Variants in PASK observed in about 807,000 individuals in gnomAD.
The protein encoded by PASK is PAS domain containing serine/threonine kinase.
In PASK, 110 loss-of-function variants were observed where a neutral mutation model predicts 121.0. The ratio of observed to expected loss-of-function variants is 0.91; its 90% CI spans 0.78 to 1.06. The LOEUF is 1.06. Ranked by LOEUF, PASK falls within the 50% of genes least tolerant of loss-of-function variation. PASK has a pLI of 0.00. For missense variants in PASK, 1,643 were observed against 1,702.3 expected (o/e 0.97, Z 0.61); for synonymous variants, 686 against 717.8 (o/e 0.96, Z 0.71).
chr2:241,106,519 G>C lies in PASK; in HGVS notation c.*47C>G, dbSNP rs374993877. Reference sequence around the variant, plus strand: ...TCCAAACAGATGGAGCCTGAAAACTGTGTGATTTTCCAAACCAAGTGGAGA... The same window carrying C: ...TCCAAACAGATGGAGCCTGAAAACTCTGTGATTTTCCAAACCAAGTGGAGA... On this transcript the variant is annotated 3_prime_UTR_variant, in exon 18 of 18. Transcript: ENST00000234040. 2.5e-6 allele frequency: 4 copies of C among 1,593,362 alleles called. No individual in the cohort carries two copies. Among genetic ancestry groups the C allele is most frequent in the African/African-American group, 2.7e-5 (2 of 74,508 alleles).
At position 241,106,506 on chromosome 2, in the gene PASK, G is replaced by A. The variant is rs2064884727; in HGVS notation, c.*60C>T. 3 of 1,556,198 alleles carry A rather than the reference G, an allele frequency of 1.9e-6. No homozygotes were observed. The highest frequency in any genetic ancestry group is 1.7e-5 in the Admixed American group (1 of 59,928). The stretch of plus-strand genomic sequence containing the variant: ...AGAATGTATTTTCTCCAAACAGATG[G>A]AGCCTGAAAACTGTGTGATTTTCCA... On this transcript the variant is annotated 3_prime_UTR_variant, in exon 18 of 18. Coordinates refer to ENST00000234040, the MANE Select transcript of PASK (RefSeq NM_015148.4).
At chr2:241,138,350 G>A (rs941458421) in intron 5 of PASK, among the ~76,000 whole-genome samples, 1 of 152,228 alleles carries the variant, frequency 6.6e-6, no homozygotes, top group Non-Finnish European at 1.5e-5. Flanking sequence ...GTTCACATAT[G>A]AGGGCTGTCT....
chr2:241,139,735 C>T (rs555347181), intron 4 of PASK, 150 bp downstream of exon 4: 26 of 776,816 alleles, frequency 3.3e-5, no homozygotes, highest in Non-Finnish European at 5.2e-5. Context: ...GGGGAAACGG[C>T]GCCTGGGATG....
At chr2:241,123,501 G>GGA (rs1246350864) in intron 11 of PASK, among the ~76,000 whole-genome samples, 2 of 151,856 alleles carry the variant, frequency 1.3e-5, no homozygotes, top group Non-Finnish European at 2.9e-5. Context: ...TAGTCACACT[G>GGA]GATATTAAAA....
intron 9 of PASK, among the ~76,000 whole-genome samples, chr2:241,128,385 A>G (rs2065972992): frequency 1.3e-5 from 2 of 152,202 alleles, no homozygotes; most frequent in South Asian, 4.1e-4. Context: ...CATTCAGCAC[A>G]TGGTGACCCA....
chr2:241,109,624 C>T (rs1411479239), intron 15 of PASK: 2 of 152,812 alleles, frequency 1.3e-5, no homozygotes, highest in East Asian at 3.8e-4. Context: ...GTCGGGCCCC[C>T]AGGCTGAGTC....
chr2:241,113,856 G>A (rs1344160699), intron 14 of PASK: 6 of 985,270 alleles, frequency 6.1e-6, no homozygotes, highest in Non-Finnish European at 7.2e-6. Flanking sequence ...GAGCTGACAG[G>A]CAATGCCCTG....
At chr2:241,123,151 C>T (rs1021099424) in intron 11 of PASK, among the ~76,000 whole-genome samples, 10 of 151,604 alleles carry the variant, frequency 6.6e-5, no homozygotes, top group Non-Finnish European at 1.5e-4. Flanking sequence ...TATACATGGG[C>T]CTAGGCAGAT....
chr2:241,112,148 C>T lies in PASK; in HGVS notation c.3533+92G>A. The T allele has an allele frequency of 2.0e-6, 2 of 980,922 alleles. No individual in the cohort carries two copies. Among genetic ancestry groups the T allele is most frequent in the South Asian group, 2.6e-5 (2 of 76,660 alleles). The allele number at this position is 980,922 out of a possible 1,614,324, so 60.8% of individuals were successfully genotyped here. ...ACTCAACACTCATCACAAAGAGGCA[C>T]AAAGGAAGCCATTTTCCCACCCAAA... On this transcript the variant is annotated intron_variant, in intron 15 of 17. Coordinates refer to ENST00000234040, the MANE Select transcript of PASK (RefSeq NM_015148.4). The surrounding 1 kb of genome is among the most constrained non-coding windows in gnomAD (Gnocchi z 5.2).
intron 12 of PASK, among the ~76,000 whole-genome samples, chr2:241,119,518 G>A (rs1385767120): frequency 6.8e-6 from 1 of 147,392 alleles, no homozygotes; most frequent in Non-Finnish European, 1.5e-5. Flanking sequence ...CGCCCAGGCT[G>A]GAGTGCAGTG....
At chr2:241,146,122 GC>G (rs909042560) in intron 1 of PASK, among the ~76,000 whole-genome samples, 1 of 152,044 alleles carries the variant, frequency 6.6e-6, no homozygotes, top group African/African-American at 2.4e-5. Flanking sequence ...AAGACACATG[GC>G]CCAATAAAAA....
At chr2:241,135,817 G>A (rs913553280) in intron 8 of PASK, 54 bp downstream of exon 8, 26 of 1,519,782 alleles carry the variant, frequency 1.7e-5, no homozygotes, top group Non-Finnish European at 2.3e-5. Context: ...GAGGCATGGG[G>A]CTGTCTGGGG....
In PASK at chr2:241,112,143, A is replaced by C; in HGVS notation, c.3533+97T>G. 1.1e-6 allele frequency: 1 copy of C among 914,184 alleles called. No homozygotes were observed. The highest frequency in any genetic ancestry group is 1.8e-6 in the Non-Finnish European group (1 of 551,238). 56.6% of individuals were successfully genotyped at this position (914,184 alleles called of 1,614,324 possible). ...TGACCACTCAACACTCATCACAAAG[A>C]GGCACAAAGGAAGCCATTTTCCCAC... is the stretch of plus-strand genomic sequence containing the variant. On this transcript the variant is annotated intron_variant, in intron 15 of 17. Transcript: ENST00000234040. The surrounding 1 kb of genome is among the most constrained non-coding windows in gnomAD (Gnocchi z 5.2).
Position 241,106,385 on chromosome 2 carries a change from T to G in PASK, c.*181A>C. On this transcript the variant is annotated 3_prime_UTR_variant, in exon 18 of 18. Transcript: ENST00000234040. ...ATGAAAAAAGTGAATTCCAAATCTA[T>G]GTAATAAATCTAAAATAATACAGCA... The G allele has an allele frequency of 1.4e-6, 1 of 692,236 alleles. No homozygotes were observed. The allele number at this position is 692,236 out of a possible 1,614,324, so 42.9% of individuals were successfully genotyped here.
chr2:241,137,311 C>T, intron 6 of PASK, 47 bp from the exon 7 acceptor site: 2 of 1,562,586 alleles, frequency 1.3e-6, no homozygotes, highest in Non-Finnish European at 1.8e-6. Flanking sequence ...TTCACGTGGA[C>T]AGAGCACTGA....
chr2:241,108,466 CT>C lies in PASK; in HGVS notation c.3534-167del, dbSNP rs1015842116. The C allele has an allele frequency of 2.1e-5, 15 of 718,078 alleles. No homozygotes were observed. The African/African-American group carries it at 2.6e-4, about 13-fold the overall frequency. The allele number at this position is 718,078 out of a possible 1,614,324, so 44.5% of individuals were successfully genotyped here. On this transcript the variant is annotated intron_variant, in intron 15 of 17. Coordinates refer to ENST00000234040, the MANE Select transcript of PASK (RefSeq NM_015148.4). The surrounding 1 kb of genome is among the most constrained non-coding windows in gnomAD (Gnocchi z 5.2). The stretch of plus-strand genomic sequence containing the variant: ...CAAACACGCCCTCCATTTCCACGCA[CT>C]TCTGCCCCAGGCCAGCCAGCAGGCC...
intron 9 of PASK, among the ~76,000 whole-genome samples, chr2:241,131,438 G>A (rs530098979): frequency 7.9e-5 from 12 of 152,228 alleles, no homozygotes; most frequent in South Asian, 6.2e-4. Flanking sequence ...GTGATCCACC[G>A]CGCCTGGCCC....
intron 1 of PASK, chr2:241,146,005 A>G (rs1009715621): frequency 1.3e-5 from 2 of 152,186 alleles, no homozygotes; most frequent in African/African-American, 4.8e-5. Flanking sequence ...AAACGAAAGA[A>G]CAAGCCACAA....
At chr2:241,126,082 TA>T in intron 10 of PASK, 113 bp downstream of exon 10, 2 of 888,598 alleles carry the variant, frequency 2.3e-6, no homozygotes, top group Non-Finnish European at 3.7e-6. Flanking sequence ...TGATTTCTGC[TA>T]ACACTATTCC....
Sources: allele counts gnomAD v4.1 joint callset (sites outside exome capture counted in the v4.1 genomes callset), GRCh38; gene constraint gnomAD v4.1.1; non-coding constraint Gnocchi (gnomAD v3.1); transcripts MANE v1.5; gene names NCBI Gene and HGNC (gene_info 2026-07-23, HGNC 2026-07-21).